TNFRSF19: variants seen among roughly 807,000 people sequenced by gnomAD.
The protein encoded by TNFRSF19 is tumor necrosis factor receptor superfamily member 19.
TNFRSF19 carries 27 observed loss-of-function variants against 46.4 expected under a neutral mutation model. The ratio of observed to expected loss-of-function variants is 0.58; its 90% CI spans 0.43 to 0.80. The LOEUF (loss-of-function observed/expected upper bound fraction) is 0.80, where lower values mean the gene tolerates loss of function less well. Among genes scored for constraint, TNFRSF19 ranks in the 30% least tolerant of loss-of-function variants. TNFRSF19 has a pLI of 0.00. For synonymous variants in TNFRSF19, 204 were observed against 205.0 expected, an observed-to-expected ratio of 1.00 and a Z score of 0.04; for missense variants, 511 against 530.8, an observed-to-expected ratio of 0.96 and a Z score of 0.37.
At chr13:23,577,356 G>A (rs1460827044) in intron 1 of TNFRSF19, among the ~76,000 whole-genome samples, 1 of 152,264 alleles carries the variant, frequency 6.6e-6, no homozygotes, top group African/African-American at 2.4e-5. Flanking sequence ...AGAACATTTG[G>A]TTGAAGTCAG....
In TNFRSF19 at chr13:23,593,438, G is replaced by A; in HGVS notation, c.163G>A (p.Gly55Ser). 6.2e-7 allele frequency: 1 copy of A among 1,602,850 alleles called. No individual in the cohort carries two copies. Among genetic ancestry groups the A allele is most frequent in the African/African-American group, 1.3e-5 (1 of 74,248 alleles). ...TGTTCCCTGCAACCAGTGTGGGCCA[G>A]GCATGGAGTTGTCTAAGGTATATTG... The part of the protein sequence containing the change: ...NCVPCNQCGP[G>S]MELSKECGFG... The change falls in exon 3 of 10, where the codon GGC becomes AGC. Residue 55 changes from glycine (G) to serine (S), a missense_variant. This residue lies in a region of TNFRSF19 where 121 missense variants were observed against 124.1 expected (regional missense o/e 0.98). Transcript: ENST00000248484.
At chr13:23,663,714 G>A (rs548224110) in intron 7 of TNFRSF19, among the ~76,000 whole-genome samples, 15 of 152,108 alleles carry the variant, frequency 9.9e-5, no homozygotes, top group African/African-American at 3.6e-4. Flanking sequence ...TCAGGGAATC[G>A]ATTTCTTCCT....
intron 7 of TNFRSF19, among the ~76,000 whole-genome samples, chr13:23,667,551 T>C (rs1361663075): frequency 2.6e-5 from 4 of 152,244 alleles, no homozygotes; most frequent in African/African-American, 9.6e-5. Flanking sequence ...CCCCGCTTAT[T>C]ATTGTAGTGA....
At chr13:23,598,363 A>G (rs911226737) in intron 3 of TNFRSF19, among the ~76,000 whole-genome samples, 1 of 152,188 alleles carries the variant, frequency 6.6e-6, no homozygotes. Context: ...CTGCACATGT[A>G]TCCCAGAACT....
chr13:23,667,345 A>C (rs551356505), intron 7 of TNFRSF19, among the ~76,000 whole-genome samples: 1 of 152,148 alleles, frequency 6.6e-6, no homozygotes, highest in Admixed American at 6.5e-5. Flanking sequence ...GCACATATCT[A>C]CTTATTCCTT....
At chr13:23,571,686 T>C (rs550757242) in intron 1 of TNFRSF19, among the ~76,000 whole-genome samples, 1 of 152,296 alleles carries the variant, frequency 6.6e-6, no homozygotes, top group Non-Finnish European at 1.5e-5. Flanking sequence ...ATTTTCACTT[T>C]AGCTAATGCC....
chr13:23,642,334 C>T (rs932002803), intron 5 of TNFRSF19, among the ~76,000 whole-genome samples: 7 of 152,148 alleles, frequency 4.6e-5, no homozygotes, highest in Non-Finnish European at 1.0e-4. Context: ...ATTATAATGT[C>T]TGGATTCTGA....
At chr13:23,591,816 C>T (rs1377658274) in intron 2 of TNFRSF19, among the ~76,000 whole-genome samples, 1 of 150,688 alleles carries the variant, frequency 6.6e-6, no homozygotes, top group Non-Finnish European at 1.5e-5. Flanking sequence ...ACCTCCGCTT[C>T]CCAGTTTCAA....
At chr13:23,646,310 C>A (rs1223500133) in intron 5 of TNFRSF19, among the ~76,000 whole-genome samples, 1 of 152,092 alleles carries the variant, frequency 6.6e-6, no homozygotes, top group Non-Finnish European at 1.5e-5. Context: ...CCACTTCAGC[C>A]TTTTTTAAGT....
At chr13:23,667,357 A>G (rs531859412) in intron 7 of TNFRSF19, among the ~76,000 whole-genome samples, 164 of 152,202 alleles carry the variant, frequency 1.1e-3, no homozygotes, top group African/African-American at 3.8e-3. Flanking sequence ...TTATTCCTTA[A>G]GTGACATTCC....
At chr13:23,655,925 T>C (rs1883957663) in intron 5 of TNFRSF19, among the ~76,000 whole-genome samples, 1 of 152,200 alleles carries the variant, frequency 6.6e-6, no homozygotes, top group Non-Finnish European at 1.5e-5. Context: ...TTGCTATATG[T>C]GACAAAGCTA....
intron 5 of TNFRSF19, among the ~76,000 whole-genome samples, chr13:23,637,507 T>C (rs1882764188): frequency 6.6e-6 from 1 of 152,234 alleles, no homozygotes; most frequent in South Asian, 2.1e-4. Flanking sequence ...GTTTTGTGCT[T>C]TGCCGTAAGT....
At chr13:23,667,653 C>G (rs1232011204) in intron 7 of TNFRSF19, among the ~76,000 whole-genome samples, 1 of 152,142 alleles carries the variant, frequency 6.6e-6, no homozygotes, top group Non-Finnish European at 1.5e-5. Context: ...GCAGCCATCA[C>G]CACCATTCAC....
chr13:23,620,749 C>T (rs1271730693), intron 4 of TNFRSF19, among the ~76,000 whole-genome samples: 2 of 152,188 alleles, frequency 1.3e-5, no homozygotes, highest in Non-Finnish European at 2.9e-5. Context: ...AACAGGCCTC[C>T]AAGCTCCTCT....
intron 2 of TNFRSF19, among the ~76,000 whole-genome samples, chr13:23,592,341 C>T (rs1413357336): frequency 6.6e-6 from 1 of 152,080 alleles, no homozygotes; most frequent in Admixed American, 6.6e-5. Flanking sequence ...TTGGACCAAA[C>T]GTCTTCACCA....
intron 4 of TNFRSF19, among the ~76,000 whole-genome samples, chr13:23,617,927 A>G (rs946603665): frequency 6.6e-6 from 1 of 152,168 alleles, no homozygotes. Context: ...ATCGACCACA[A>G]GATCAGAGTG....
At chr13:23,664,534 A>G (rs1296575021) in intron 7 of TNFRSF19, among the ~76,000 whole-genome samples, 1 of 152,100 alleles carries the variant, frequency 6.6e-6, no homozygotes, top group African/African-American at 2.4e-5. Flanking sequence ...TCCTCTTACT[A>G]CTTTACAGTT....
rs776534743 is a variant in TNFRSF19, at chr13:23,659,809, T to C, written c.611-556T>C. On this transcript the variant is annotated intron_variant, in intron 6 of 9. Coordinates refer to ENST00000248484, the MANE Select transcript of TNFRSF19 (RefSeq NM_148957.4). This position sits in a 1 kb window ranked among gnomAD's most constrained non-coding sequence, Gnocchi z 4.9. The stretch of plus-strand genomic sequence containing the variant: ...TGTGAGCCACTGCACCGGCCTATTA[T>C]ATGTATTATGCCCTGTATTCTTACA... Among the ~76,000 whole-genome samples the C allele has an allele frequency of 6.6e-6, 1 of 152,168 alleles. No homozygotes were observed. The highest frequency in any genetic ancestry group is 6.5e-5 in the Admixed American group (1 of 15,268).
chr13:23,636,492 A>G (rs767913827), intron 5 of TNFRSF19, among the ~76,000 whole-genome samples: 2 of 152,204 alleles, frequency 1.3e-5, no homozygotes, highest in Non-Finnish European at 2.9e-5. Flanking sequence ...GAATGCTAAG[A>G]TATCCGTATC....
Sources: allele counts gnomAD v4.1 joint callset (sites outside exome capture counted in the v4.1 genomes callset), GRCh38; gene constraint gnomAD v4.1.1; regional missense constraint gnomAD v4.1.1; non-coding constraint Gnocchi (gnomAD v3.1); transcripts MANE v1.5; gene names NCBI Gene and HGNC (gene_info 2026-07-23, HGNC 2026-07-21).